MAN2A2: variants seen among roughly 807,000 people sequenced by gnomAD.
The protein encoded by MAN2A2 is alpha-mannosidase 2x.
Under a neutral mutation model 126.8 loss-of-function variants are expected in MAN2A2, and 79 were observed. The ratio of observed to expected loss-of-function variants is 0.62; its 90% CI spans 0.52 to 0.75. The LOEUF is 0.75. Ranked by LOEUF, MAN2A2 falls within the 30% of genes least tolerant of loss-of-function variation. The pLI is 0.00. For synonymous variants in MAN2A2, 671 were observed against 618.7 expected (o/e 1.08, Z -1.25); for missense variants, 1,392 against 1,522.4 (o/e 0.91, Z 1.43).
intron 8 of MAN2A2, among the ~76,000 whole-genome samples, chr15:90,907,738 A>G (rs1269919428): frequency 2.0e-5 from 3 of 152,244 alleles, no homozygotes; most frequent in Non-Finnish European, 4.4e-5. Flanking sequence ...CCAGCTGACA[A>G]CTTAGAGGTG....
intron 1 of MAN2A2, 83 bp from the exon 2 acceptor site, chr15:90,904,107 C>G (rs1567113315): frequency 6.7e-7 from 1 of 1,487,498 alleles, no homozygotes; most frequent in Non-Finnish European, 9.4e-7. Flanking sequence ...GAACAGCCCT[C>G]AGGAACTCAC....
At chr15:90,904,853 C>G (rs993552706) in intron 2 of MAN2A2, among the ~76,000 whole-genome samples, 1 of 152,228 alleles carries the variant, frequency 6.6e-6, no homozygotes, top group Admixed American at 6.5e-5. Flanking sequence ...CCTTGGCCTC[C>G]CAAAGTGCTG....
At chr15:90,912,694 C>G (rs1478298917) in intron 16 of MAN2A2, 30 bp downstream of exon 16, 2 of 1,613,066 alleles carry the variant, frequency 1.2e-6, no homozygotes, top group Non-Finnish European at 1.7e-6. Flanking sequence ...AACAACCTGG[C>G]AGGGAGGGCA....
chr15:90,908,070 C>T (rs929045746), intron 8 of MAN2A2, among the ~76,000 whole-genome samples: 4 of 152,124 alleles, frequency 2.6e-5, no homozygotes, highest in Non-Finnish European at 5.9e-5. Context: ...CTGATTTCTC[C>T]CTGATGTCCA....
chr15:90,909,334 C>T lies in MAN2A2; in HGVS notation c.1204C>T (p.Leu402=), dbSNP rs367801367. The change falls in exon 9 of 23, where the codon CTG becomes TTG. Residue 402 remains leucine, a synonymous_variant. Coordinates refer to ENST00000559717, the MANE Select transcript of MAN2A2 (RefSeq NM_006122.4). ...TTTTTTTTCCTGCCCCAGGGCAGCC[C>T]TGCTTCTGGACCAATACCGGAAGAA... ...TEANVAERAA[L]LLDQYRKKSQ... The T allele has an allele frequency of 1.2e-6, 2 of 1,609,434 alleles. No homozygotes were observed. Among genetic ancestry groups the T allele is most frequent in the African/African-American group, 1.3e-5 (1 of 74,842 alleles).
Position 90,919,676 on chromosome 15 carries a change from C to T in MAN2A2, c.3342C>T (p.Phe1114=), listed in dbSNP as rs773126388. 1 of 1,614,238 alleles carries T rather than the reference C, an allele frequency of 6.2e-7. No homozygotes were observed. The highest frequency in any genetic ancestry group is 8.5e-7 in the Non-Finnish European group (1 of 1,180,042). ...TTTTCCATGGCCTGGATGTGGTATT[C>T]CTTCAGCCAACCTCCTTGACGTTAC... ...GSLFHGLDVV[F]LQPTSLTLLY... Residue 1114 remains phenylalanine (F), a synonymous_variant, in exon 23 of 23, where the codon TTC becomes TTT. Transcript: ENST00000559717.
intron 13 of MAN2A2, 56 bp downstream of exon 13, chr15:90,911,294 C>T (rs1323457525): frequency 6.8e-6 from 11 of 1,613,040 alleles, no homozygotes; most frequent in Non-Finnish European, 9.3e-6. Flanking sequence ...GCTCTCAGGC[C>T]CCTCTGCCCC....
In MAN2A2 at chr15:90,922,486, G is replaced by C. The variant is rs1385478277; in HGVS notation, c.*2699G>C. The C allele has an allele frequency of 6.6e-6, 1 of 152,214 alleles. No homozygotes were observed. The highest frequency in any genetic ancestry group is 1.9e-4 in the East Asian group (1 of 5,208). The allele number at this position is 152,214 out of a possible 1,614,324, so 9.4% of individuals were successfully genotyped here. The stretch of plus-strand genomic sequence containing the variant: ...ATGCTAAGCAGTTCCACTGTGGCAG[G>C]TGTCATTTGCTAGTAGAATTTGTAA... On this transcript the variant is annotated 3_prime_UTR_variant, in exon 23 of 23. Transcript: ENST00000559717.
In MAN2A2 at chr15:90,912,961, C is replaced by T. The variant is rs1444014295; in HGVS notation, c.2554C>T (p.His852Tyr). The T allele has an allele frequency of 1.2e-6, 2 of 1,614,046 alleles. No individual in the cohort carries two copies. The highest frequency in any genetic ancestry group is 2.2e-5 in the South Asian group (2 of 91,082). ...GGTGGTTGCGTACTATGAGCACATTCACCAGGCGGTCCGGCTTTACAATCT... is the reference window on the plus strand; with the variant it reads ...GGTGGTTGCGTACTATGAGCACATTTACCAGGCGGTCCGGCTTTACAATCT... ...SEVVAYYEHIHQAVRLYNLPG... is the reference protein window; with the variant it reads ...SEVVAYYEHIYQAVRLYNLPG... The change falls in exon 17 of 23, where the codon CAC becomes TAC. Residue 852 changes from histidine (H) to tyrosine (Y), a missense_variant. Physicochemically the swap from His to Tyr is moderately conservative, Grantham distance 83 (BLOSUM62 2). Transcript: ENST00000559717.
In MAN2A2 at chr15:90,905,888, A is replaced by G; in HGVS notation, c.579A>G (p.Gln193=). The G allele has an allele frequency of 8.8e-6, 14 of 1,595,176 alleles. No individual in the cohort carries two copies. Among genetic ancestry groups the G allele is most frequent in the Non-Finnish European group, 1.2e-5 (14 of 1,170,962 alleles). ...ACAAGTACTACACAGAGCAGACCCAACACATCCTCAATAGCATGGTGTCTA... is the reference window on the plus strand; with the variant it reads ...ACAAGTACTACACAGAGCAGACCCAGCACATCCTCAATAGCATGGTGTCTA... The part of the protein sequence containing the change: ...TFDKYYTEQT[Q]HILNSMVSKL... The change falls in exon 5 of 23, where the codon CAA becomes CAG. Residue 193 remains glutamine (Q), a synonymous_variant. Transcript: ENST00000559717.
chr15:90,910,493 C>T lies in MAN2A2; in HGVS notation c.1578-8C>T, dbSNP rs1437198966. The T allele has an allele frequency of 6.2e-7, 1 of 1,613,350 alleles. No homozygotes were observed. Among genetic ancestry groups the T allele is most frequent in the Admixed American group, 1.7e-5 (1 of 60,002 alleles). On this transcript the variant is annotated splice_region_variant and splice_polypyrimidine_tract_variant and intron_variant, in intron 10 of 22. Coordinates refer to ENST00000559717, the MANE Select transcript of MAN2A2 (RefSeq NM_006122.4). The stretch of plus-strand genomic sequence containing the variant: ...GCAGGCTGGCAGCTAACTTCTCTCT[C>T]TGGGCAGGGGGGCAGAGGTTCTGTA...
In MAN2A2 at chr15:90,916,150, G is replaced by A. The variant is rs764437456; in HGVS notation, c.2888G>A (p.Arg963Gln). Residue 963 changes from arginine to glutamine, a missense_variant, in exon 20 of 23, where the codon CGG becomes CAG. Arg to Gln is a conservative substitution (Grantham distance 43). Transcript: ENST00000559717. Reference sequence around the variant, plus strand: ...CAGCTGGAGGTGATCTTGGACCGGCGGCTGATGCAGGATGACAACCGGGGC... The same window carrying A: ...CAGCTGGAGGTGATCTTGGACCGGCAGCTGATGCAGGATGACAACCGGGGC... ...DGQLEVILDR[R>Q]LMQDDNRGLG... 14 of 1,613,924 alleles carry A rather than the reference G, an allele frequency of 8.7e-6. No individual in the cohort carries two copies. The highest frequency in any genetic ancestry group is 2.2e-5 in the East Asian group (1 of 44,890).
chr15:90,912,361 G>A lies in MAN2A2; in HGVS notation c.2346+82G>A, dbSNP rs900890148. The A allele has an allele frequency of 1.3e-5, 21 of 1,570,538 alleles. No individual in the cohort carries two copies. The African/African-American group carries it at 1.4e-4, about 10-fold the overall frequency. On this transcript the variant is annotated intron_variant, in intron 15 of 22. Coordinates refer to ENST00000559717, the MANE Select transcript of MAN2A2 (RefSeq NM_006122.4). ...GTGGCACTGTGCAGAGCGGCCTCCCGGCCCTGTGAGCATTCTGCCACCTGA... is the reference window on the plus strand; with the variant it reads ...GTGGCACTGTGCAGAGCGGCCTCCCAGCCCTGTGAGCATTCTGCCACCTGA...
intron 14 of MAN2A2, chr15:90,911,839 G>C: frequency 1.6e-6 from 1 of 626,656 alleles, no homozygotes; most frequent in Non-Finnish European, 2.8e-6. Context: ...TGTTGTTACC[G>C]CTTCATACTT....
At chr15:90,906,538 G>A (rs748703649) in intron 6 of MAN2A2, 41 bp downstream of exon 6, 1 of 1,613,618 alleles carries the variant, frequency 6.2e-7, no homozygotes, top group South Asian at 1.1e-5. Flanking sequence ...CCCCTGGGCT[G>A]TAAGGCACAG....
At chr15:90,906,606 A>C (rs1258415687) in intron 6 of MAN2A2, 109 bp downstream of exon 6, 42 of 1,577,708 alleles carry the variant, frequency 2.7e-5, no homozygotes, top group Non-Finnish European at 3.6e-5. Flanking sequence ...GGCAGATCCC[A>C]CCATGTGGGC....
At position 90,919,765 on chromosome 15, in the gene MAN2A2, C is replaced by A. The variant is rs768412320; in HGVS notation, c.3431C>A (p.Thr1144Asn). The part of the protein sequence containing the change: ...DVYLEPMEIA[T>N]FRLRLG ...TATTTGGAGCCCATGGAGATTGCTA[C>A]CTTTCGCCTCCGCTTGGGTTAGGGC... is the stretch of plus-strand genomic sequence containing the variant. The change falls in exon 23 of 23, where the codon ACC becomes AAC. Residue 1144 changes from threonine to asparagine, a missense_variant. Physicochemically the swap from Thr to Asn is moderately conservative, Grantham distance 65. Transcript: ENST00000559717. 1 of 1,614,192 alleles carries A rather than the reference C, an allele frequency of 6.2e-7. No individual in the cohort carries two copies. Among genetic ancestry groups the A allele is most frequent in the East Asian group, 2.2e-5 (1 of 44,890 alleles).
At chr15:90,907,649 G>T in intron 8 of MAN2A2, 154 bp downstream of exon 8, 1 of 677,536 alleles carries the variant, frequency 1.5e-6, no homozygotes, top group Non-Finnish European at 2.4e-6. Context: ...AAACTGGAAT[G>T]GCTCTTGCAA....
At position 90,910,323 on chromosome 15, in the gene MAN2A2, G is replaced by T. The variant is rs1978113; in HGVS notation, c.1577+31G>T. The stretch of plus-strand genomic sequence containing the variant: ...ACCCTGTCCCCGCTTCCAGGCTGGA[G>T]GGGGAGAGTCAGCCTTTGGGGTTTA... On this transcript the variant is annotated intron_variant, in intron 10 of 22. Coordinates refer to ENST00000559717, the MANE Select transcript of MAN2A2 (RefSeq NM_006122.4). 3,653 of 1,611,070 alleles carry T rather than the reference G, an allele frequency of 2.3e-3. 84 individuals carry two copies. In the African/African-American group the frequency reaches 0.043, roughly 19 times the overall value.
Sources: gnomAD v4.1 joint callset for allele counts (sites outside exome capture counted in the v4.1 genomes callset) on GRCh38, gnomAD v4.1.1 for gene constraint, MANE v1.5 for transcripts, NCBI Gene and HGNC (gene_info 2026-07-23, HGNC 2026-07-21) for gene names.